SESN3: variants seen among roughly 807,000 people sequenced by gnomAD.
SESN3 encodes the protein sestrin 3.
Under a neutral mutation model 55.3 loss-of-function variants are expected in SESN3, and 21 were observed. The ratio of observed to expected loss-of-function variants is 0.38; its 90% CI spans 0.27 to 0.55. The LOEUF is 0.55. Among genes scored for constraint, SESN3 ranks in the 20% least tolerant of loss-of-function variants. The probability of loss-of-function intolerance (pLI) is 0.76; values close to 1 mark genes in which losing one functional copy is unlikely to be tolerated. For synonymous variants in SESN3, 181 were observed against 203.1 expected (o/e 0.89, Z 0.93); for missense variants, 408 against 604.3 (o/e 0.68, Z 3.41).
chr11:95,192,866 TTTG>T (rs754099466), intron 2 of SESN3, among the ~76,000 whole-genome samples: 4 of 152,038 alleles, frequency 2.6e-5, no homozygotes, highest in Non-Finnish European at 5.9e-5. Flanking sequence ...AAGTAGAATA[TTTG>T]TTATTTTTGT....
rs749999853 is a variant in SESN3, at chr11:95,167,961, T to C, written c.*5294A>G. On this transcript the variant is annotated 3_prime_UTR_variant, in exon 10 of 10. Coordinates refer to ENST00000536441, the MANE Select transcript of SESN3 (RefSeq NM_144665.4). ...CATTTTCTTTTCATCCCATGGAACA[T>C]TTTTTTTCCTCCCATAAGAACAGGA... The C allele has an allele frequency of 6.6e-6, 1 of 151,962 alleles. No individual in the cohort carries two copies. Among genetic ancestry groups the C allele is most frequent in the African/African-American group, 2.4e-5 (1 of 41,378 alleles). The allele number at this position is 151,962 out of a possible 1,614,324, so 9.4% of individuals were successfully genotyped here.
intron 8 of SESN3, among the ~76,000 whole-genome samples, chr11:95,177,470 C>A (rs930736248): frequency 5.9e-5 from 9 of 152,122 alleles, no homozygotes; most frequent in African/African-American, 1.7e-4. Flanking sequence ...TCTATCCTAT[C>A]CCCAATCATT....
chr11:95,184,034 C>A (rs923832699), intron 6 of SESN3: 2 of 233,040 alleles, frequency 8.6e-6, no homozygotes, highest in African/African-American at 4.5e-5. Context: ...TTCCCACACA[C>A]CCCCCACCTA....
At chr11:95,186,803 GTAAA>G (rs1041502367) in intron 4 of SESN3, among the ~76,000 whole-genome samples, 10 of 151,764 alleles carry the variant, frequency 6.6e-5, no homozygotes, top group African/African-American at 2.2e-4. Context: ...CTGTAATAAT[GTAAA>G]TAAAGAGGGT....
In SESN3 at chr11:95,185,364, T is replaced by C; in HGVS notation, c.654A>G (p.Pro218=). ...TTAGCCTGAATCCATTGGAGATTTC[T>C]GGATCTCTCTCTGGATTGATACCAC... ...FGSGINPERD[P]EISNGFRLIS... The change falls in exon 5 of 10, where the codon CCA becomes CCG. Residue 218 remains proline, a synonymous_variant. Transcript: ENST00000536441. 6.2e-7 allele frequency: 1 copy of C among 1,613,084 alleles called. No individual in the cohort carries two copies. The highest frequency in any genetic ancestry group is 1.1e-5 in the South Asian group (1 of 91,060).
At position 95,184,508 on chromosome 11, in the gene SESN3, T is replaced by C. The variant is rs17621683; in HGVS notation, c.849A>G (p.Gln283=). 15,821 of 1,613,556 alleles carry C rather than the reference T, an allele frequency of 9.8e-3. 203 individuals carry two copies. The highest frequency in any genetic ancestry group is 0.064 in the African/African-American group (4,782 of 74,990). Reference sequence around the variant, plus strand: ...TTTCAAAACGAGTGCTCATTTCTTCTTGAGACGCCTCTTCATCTTCCCTTT... The same window carrying C: ...TTTCAAAACGAGTGCTCATTTCTTCCTGAGACGCCTCTTCATCTTCCCTTT... The part of the protein sequence containing the change: ...QEEREDEEAS[Q]EEMSTRFEKE... The change falls in exon 6 of 10, where the codon CAA becomes CAG. Residue 283 remains glutamine, a synonymous_variant. Transcript: ENST00000536441.
chr11:95,191,100 A>C (rs898645918), intron 3 of SESN3, among the ~76,000 whole-genome samples: 1 of 152,128 alleles, frequency 6.6e-6, no homozygotes, highest in African/African-American at 2.4e-5. Flanking sequence ...CAAGATATCA[A>C]GAGCAAAGAC....
At chr11:95,182,906 T>C (rs1008338187) in intron 6 of SESN3, among the ~76,000 whole-genome samples, 1 of 152,074 alleles carries the variant, frequency 6.6e-6, no homozygotes. Flanking sequence ...CCCTCAGTCA[T>C]TACCTGACTT....
At chr11:95,180,193 ATAG>A (rs1469917794) in intron 6 of SESN3, among the ~76,000 whole-genome samples, 10 of 152,182 alleles carry the variant, frequency 6.6e-5, no homozygotes, top group African/African-American at 2.4e-4. Context: ...TAAATAATAA[ATAG>A]TAGAACAGTA....
chr11:95,200,513 A>G (rs1431185389), intron 1 of SESN3, among the ~76,000 whole-genome samples: 1 of 152,086 alleles, frequency 6.6e-6, no homozygotes, highest in African/African-American at 2.4e-5. Flanking sequence ...TTACACCAGC[A>G]TCTCTTCTCT....
chr11:95,177,842 A>G lies in SESN3; in HGVS notation c.1124T>C (p.Leu375Pro). Residue 375 changes from leucine to proline, a missense_variant, in exon 8 of 10, where the codon CTT (leucine) becomes CCT (proline). By Grantham distance (98) the Leu-to-Pro change is moderately conservative. Transcript: ENST00000536441. Reference sequence around the variant, plus strand: ...GTAGACCATCCGAAACTTTTCATCAAGAAGATGTCCAATGTCAGAATAAAG... The same window carrying G: ...GTAGACCATCCGAAACTTTTCATCAGGAAGATGTCCAATGTCAGAATAAAG... ...NRLYSDIGHL[L>P]DEKFRMVYNL... 6.2e-7 allele frequency: 1 copy of G among 1,607,958 alleles called. No homozygotes were observed. The highest frequency in any genetic ancestry group is 8.5e-7 in the Non-Finnish European group (1 of 1,178,292).
At chr11:95,176,573 T>C (rs1859960202) in intron 8 of SESN3, among the ~76,000 whole-genome samples, 1 of 152,208 alleles carries the variant, frequency 6.6e-6, no homozygotes, top group South Asian at 2.1e-4. Flanking sequence ...GGCACAGATG[T>C]AGACAGGTAG....
chr11:95,189,345 T>C (rs962886622), intron 4 of SESN3, among the ~76,000 whole-genome samples: 1 of 151,998 alleles, frequency 6.6e-6, no homozygotes, highest in Non-Finnish European at 1.5e-5. Context: ...GCAAAATCAT[T>C]TTTTGAGAAT....
chr11:95,173,428 A>G (rs1396591612), intron 9 of SESN3, 87 bp from the exon 10 acceptor site: 11 of 673,836 alleles, frequency 1.6e-5, no homozygotes, highest in Non-Finnish European at 2.7e-5. Context: ...TTTTATGTGT[A>G]TATAAGCAAT....
At chr11:95,191,917 C>G (rs1026809230) in intron 2 of SESN3, among the ~76,000 whole-genome samples, 2 of 152,056 alleles carry the variant, frequency 1.3e-5, no homozygotes, top group Admixed American at 1.3e-4. Context: ...TTTGCCTGGC[C>G]ATTGTCACAC....
intron 1 of SESN3, among the ~76,000 whole-genome samples, chr11:95,218,132 T>TA (rs1860793338): frequency 6.6e-6 from 1 of 152,208 alleles, no homozygotes; most frequent in South Asian, 2.1e-4. Context: ...TTGGGGAAGG[T>TA]AGGTAGAGAA....
intron 1 of SESN3, among the ~76,000 whole-genome samples, chr11:95,225,405 C>T (rs1427763630): frequency 2.6e-5 from 4 of 152,168 alleles, no homozygotes; most frequent in Admixed American, 2.6e-4. Context: ...AGTTAATCTA[C>T]AATAGTATTT....
intron 6 of SESN3, among the ~76,000 whole-genome samples, chr11:95,183,811 G>A (rs1021933150): frequency 6.6e-6 from 1 of 151,754 alleles, no homozygotes; most frequent in African/African-American, 2.4e-5. Context: ...TAATTGAAAA[G>A]TTTATTTCCT....
chr11:95,182,694 C>T (rs1051410294), intron 6 of SESN3, among the ~76,000 whole-genome samples: 3 of 152,166 alleles, frequency 2.0e-5, no homozygotes, highest in Non-Finnish European at 2.9e-5. Flanking sequence ...GTCCAAAATA[C>T]GGTAGGTTAC....
Sources: allele counts gnomAD v4.1 joint callset (sites outside exome capture counted in the v4.1 genomes callset), GRCh38; gene constraint gnomAD v4.1.1; transcripts MANE v1.5; gene names NCBI Gene and HGNC (gene_info 2026-07-23, HGNC 2026-07-21).